PCDHGA8: variants seen among roughly 807,000 people sequenced by gnomAD.
The protein encoded by PCDHGA8 is protocadherin gamma-A8.
A neutral mutation model predicts 59.2 loss-of-function variants in PCDHGA8; 45 were observed. The observed-to-expected ratio is 0.76, with a 90% CI of 0.60 to 0.98. The LOEUF is 0.98. Ranked by LOEUF, PCDHGA8 falls within the 50% of genes least tolerant of loss-of-function variation. The probability of loss-of-function intolerance (pLI) is 0.00; values close to 1 mark genes in which losing one functional copy is unlikely to be tolerated. For synonymous variants in PCDHGA8, 531 were observed against 519.0 expected (o/e 1.02, Z -0.32); for missense variants, 1,257 against 1,196.2 (o/e 1.05, Z -0.75).
chr5:141,423,058 A>G (rs1235938743), intron 1 of PCDHGA8: 3 of 1,614,022 alleles, frequency 1.9e-6, no homozygotes, highest in African/African-American at 2.7e-5. Flanking sequence ...TCGCCTGCTT[A>G]AGGCCAGCGA....
At chr5:141,410,736 A>G (rs553799279) in intron 1 of PCDHGA8, 1 of 1,334,690 alleles carries the variant, frequency 7.5e-7, no homozygotes, top group East Asian at 2.4e-5. Flanking sequence ...ATAGCTTTTT[A>G]CAATATTTTC....
intron 1 of PCDHGA8, among the ~76,000 whole-genome samples, chr5:141,397,293 A>T (rs1449132000): frequency 6.6e-6 from 1 of 152,220 alleles, no homozygotes; most frequent in African/African-American, 2.4e-5. Flanking sequence ...ACTTGAATGA[A>T]TATTTCCTGA....
intron 2 of PCDHGA8, among the ~76,000 whole-genome samples, chr5:141,502,719 C>G (rs1242423173): frequency 1.3e-5 from 2 of 152,190 alleles, no homozygotes; most frequent in Non-Finnish European, 2.9e-5. Flanking sequence ...TCAGTGATTA[C>G]AAAGCGGTGA....
chr5:141,415,863 G>A, intron 1 of PCDHGA8: 4 of 1,107,154 alleles, frequency 3.6e-6, no homozygotes, highest in Non-Finnish European at 4.7e-6. Flanking sequence ...GTAGTTTATA[G>A]TGTTGTTGAG....
chr5:141,460,075 C>T (rs2098981644), intron 1 of PCDHGA8, among the ~76,000 whole-genome samples: 2 of 151,896 alleles, frequency 1.3e-5, no homozygotes, highest in East Asian at 1.9e-4. Context: ...GAGACTTCAT[C>T]TAAAAAATAA....
In PCDHGA8 at chr5:141,393,400, T is replaced by A. The variant is rs1427213486; in HGVS notation, c.587T>A (p.Leu196Gln). 3.1e-6 allele frequency: 5 copies of A among 1,614,024 alleles called. No individual in the cohort carries two copies. Among genetic ancestry groups the A allele is most frequent in the Non-Finnish European group, 4.2e-6 (5 of 1,179,896 alleles). Reference protein sequence around the residue: ...DNGAINPELVLERALDREEEA... With the variant: ...DNGAINPELVQERALDREEEA... ...GGAGCCATAAACCCAGAGCTGGTGCTGGAGCGCGCCCTGGACAGGGAGGAA... is the reference window on the plus strand; with the variant it reads ...GGAGCCATAAACCCAGAGCTGGTGCAGGAGCGCGCCCTGGACAGGGAGGAA... The change falls in exon 1 of 4, where the codon CTG becomes CAG. Residue 196 changes from leucine (L) to glutamine (Q), a missense_variant. By Grantham distance (113) the Leu-to-Gln change is moderately radical. Coordinates refer to ENST00000398604, the MANE Select transcript of PCDHGA8 (RefSeq NM_032088.2).
intron 1 of PCDHGA8, chr5:141,398,967 C>T: frequency 6.2e-7 from 1 of 1,613,942 alleles, no homozygotes; most frequent in Non-Finnish European, 8.5e-7. Flanking sequence ...TTACTTATTC[C>T]TTCTACAGAA....
At chr5:141,428,613 CAAGAT>C (rs1385471747) in intron 1 of PCDHGA8, 1 of 212,608 alleles carries the variant, frequency 4.7e-6, no homozygotes, top group African/African-American at 2.3e-5. Flanking sequence ...AAGAGAATAA[CAAGAT>C]AAGCTCTAAC....
chr5:141,433,571 C>T lies in PCDHGA8; in HGVS notation c.2424+38334C>T, dbSNP rs2097625242. ...TCTTTTCTGGCTGGGCGCGGTGGCT[C>T]ACGCCTGTAATCCCAGTACTTTGGG... On this transcript the variant is annotated intron_variant, in intron 1 of 3. Coordinates refer to ENST00000398604, the MANE Select transcript of PCDHGA8 (RefSeq NM_032088.2). 3.9e-5 allele frequency among the ~76,000 whole-genome samples: 6 copies of T among 152,228 alleles called. No homozygotes were observed. The South Asian group carries it at 1.2e-3, about 32-fold the overall frequency.
At chr5:141,471,046 CTT>C (rs1170588345) in intron 1 of PCDHGA8, among the ~76,000 whole-genome samples, 2,578 of 113,210 alleles carry the variant, frequency 0.023, 53 homozygotes, top group East Asian at 0.11. Context: ...CCCAAGCCCT[CTT>C]TTTTTTTTTT....
intron 1 of PCDHGA8, among the ~76,000 whole-genome samples, chr5:141,436,478 A>G (rs1360229764): frequency 2.0e-5 from 3 of 152,220 alleles, no homozygotes; most frequent in Non-Finnish European, 4.4e-5. Context: ...TGTATCATAG[A>G]AGGATAGCAG....
intron 1 of PCDHGA8, among the ~76,000 whole-genome samples, chr5:141,406,372 T>C (rs1010742441): frequency 1.3e-5 from 2 of 152,204 alleles, no homozygotes; most frequent in African/African-American, 4.8e-5. Flanking sequence ...AAGGGTAAAC[T>C]GATAAAAAGG....
intron 1 of PCDHGA8, among the ~76,000 whole-genome samples, chr5:141,470,011 C>T (rs2099218489): frequency 6.6e-6 from 1 of 152,144 alleles, no homozygotes; most frequent in Non-Finnish European, 1.5e-5. Context: ...CGCCTGTAAT[C>T]CCAGCTACTC....
intron 1 of PCDHGA8, among the ~76,000 whole-genome samples, chr5:141,479,798 G>C (rs892288776): frequency 6.6e-6 from 1 of 152,234 alleles, no homozygotes; most frequent in East Asian, 1.9e-4. Context: ...ATTAATTCAG[G>C]GTGGTATGCA....
At chr5:141,404,068 T>C (rs2094481501) in intron 1 of PCDHGA8, 3 of 1,613,782 alleles carry the variant, frequency 1.9e-6, no homozygotes, top group Non-Finnish European at 2.5e-6. Flanking sequence ...TCAATGCTCA[T>C]GACCGAGACT....
intron 1 of PCDHGA8, chr5:141,405,162 C>T: frequency 6.2e-7 from 1 of 1,614,098 alleles, no homozygotes; most frequent in Non-Finnish European, 8.5e-7. Flanking sequence ...GGTGTGCCCA[C>T]CTCACACTTT....
chr5:141,477,169 G>A lies in PCDHGA8; in HGVS notation c.2425-17638G>A. 6.2e-7 allele frequency: 1 copy of A among 1,614,198 alleles called. No individual in the cohort carries two copies. The highest frequency in any genetic ancestry group is 8.5e-7 in the Non-Finnish European group (1 of 1,180,042). The stretch of plus-strand genomic sequence containing the variant: ...TGGATGTGAATGACAACGCCCCGGA[G>A]ATCACAGTCACCTCCGTGTACAGCC... On this transcript the variant is annotated intron_variant, in intron 1 of 3. Transcript: ENST00000398604. The surrounding 1 kb of genome is among the most constrained non-coding windows in gnomAD (Gnocchi z 4.9).
chr5:141,498,726 G>T (rs2099785379), intron 2 of PCDHGA8, among the ~76,000 whole-genome samples: 1 of 152,172 alleles, frequency 6.6e-6, no homozygotes, highest in Admixed American at 6.5e-5. Context: ...GAGGTCAGGA[G>T]TTTGAGACCA....
chr5:141,397,039 A>G (rs2093467837), intron 1 of PCDHGA8, among the ~76,000 whole-genome samples: 1 of 152,236 alleles, frequency 6.6e-6, no homozygotes, highest in Non-Finnish European at 1.5e-5. Context: ...CCACAAATTT[A>G]TGTAAATGAA....
Sources: allele counts gnomAD v4.1 joint callset (sites outside exome capture counted in the v4.1 genomes callset), GRCh38; gene constraint gnomAD v4.1.1; non-coding constraint Gnocchi (gnomAD v3.1); transcripts MANE v1.5; gene names NCBI Gene and HGNC (gene_info 2026-07-23, HGNC 2026-07-21).